Variants in CCDC38 observed in about 807,000 individuals in gnomAD.
The protein encoded by CCDC38 is coiled-coil domain-containing protein 38.
Under a neutral mutation model 72.8 loss-of-function variants are expected in CCDC38, and 69 were observed. The observed-to-expected ratio is 0.95, with a 90% CI of 0.78 to 1.16. CCDC38 has a LOEUF of 1.16. Ranked by LOEUF, CCDC38 falls within the 50% of genes most tolerant of loss-of-function variation. The probability of loss-of-function intolerance (pLI) is 0.00; values close to 1 mark genes in which losing one functional copy is unlikely to be tolerated. For missense variants in CCDC38, 626 were observed against 638.9 expected (o/e 0.98, Z 0.22); for synonymous variants, 201 against 213.2 (o/e 0.94, Z 0.50).
At chr12:95,889,943 G>A (rs966059178) in intron 9 of CCDC38, among the ~76,000 whole-genome samples, 1 of 151,838 alleles carries the variant, frequency 6.6e-6, no homozygotes, top group East Asian at 1.9e-4. Flanking sequence ...GTCTCACTCC[G>A]TTACCCGGGC....
chr12:95,870,648 G>T (rs1257937574), intron 14 of CCDC38, among the ~76,000 whole-genome samples: 2 of 152,164 alleles, frequency 1.3e-5, no homozygotes, highest in African/African-American at 4.8e-5. Flanking sequence ...AGATGGAAGT[G>T]CTGTTAGTGT....
At position 95,916,987 on chromosome 12, in the gene CCDC38, C is replaced by T. The variant is rs1376349974; in HGVS notation, c.304+142G>A. ...TTATTTAACATAGAATTTCTCCTAA[C>T]TCTCAATCCCCATGTACTAAGACTC... On this transcript the variant is annotated intron_variant, in intron 4 of 15. Coordinates refer to ENST00000344280, the MANE Select transcript of CCDC38 (RefSeq NM_182496.3). 2.0e-5 allele frequency: 10 copies of T among 491,462 alleles called. No homozygotes were observed. In the East Asian group the frequency reaches 3.1e-4, roughly 15 times the overall value. The allele number at this position is 491,462 out of a possible 1,614,324, so 30.4% of individuals were successfully genotyped here.
At chr12:95,877,334 A>G (rs1248710655) in intron 13 of CCDC38, among the ~76,000 whole-genome samples, 1 of 152,190 alleles carries the variant, frequency 6.6e-6, no homozygotes, top group East Asian at 1.9e-4. Context: ...TAAGCTCTGG[A>G]AAACTTTGTA....
intron 2 of CCDC38, among the ~76,000 whole-genome samples, chr12:95,932,938 C>T (rs2080353386): frequency 6.6e-6 from 1 of 152,062 alleles, no homozygotes; most frequent in African/African-American, 2.4e-5. Context: ...GGAACATATC[C>T]ATACATGGGG....
chr12:95,907,820 C>T (rs1178189830), intron 4 of CCDC38, among the ~76,000 whole-genome samples: 4 of 147,772 alleles, frequency 2.7e-5, no homozygotes, highest in Non-Finnish European at 4.5e-5. Flanking sequence ...AGGGCAGAGG[C>T]GCTCCCCACA....
intron 2 of CCDC38, among the ~76,000 whole-genome samples, chr12:95,930,617 A>G (rs543417949): frequency 3.5e-4 from 53 of 152,244 alleles, no homozygotes; most frequent in Non-Finnish European, 5.6e-4. Context: ...TTACTTTTGC[A>G]AAGATCCCCC....
chr12:95,937,848 G>A (rs992739489), intron 1 of CCDC38, among the ~76,000 whole-genome samples: 2 of 152,156 alleles, frequency 1.3e-5, no homozygotes, highest in African/African-American at 4.8e-5. Flanking sequence ...GGGGGACAGG[G>A]CAATTTTTAA....
At chr12:95,925,988 T>C (rs1382303815) in intron 2 of CCDC38, among the ~76,000 whole-genome samples, 2 of 129,692 alleles carry the variant, frequency 1.5e-5, no homozygotes, top group African/African-American at 5.9e-5. Flanking sequence ...TCAAGGATAT[T>C]GGTCTAAAAT....
At chr12:95,927,132 G>A (rs917656793) in intron 2 of CCDC38, among the ~76,000 whole-genome samples, 3 of 152,094 alleles carry the variant, frequency 2.0e-5, no homozygotes, top group African/African-American at 7.2e-5. Context: ...GTCTAATGTT[G>A]ACAGTGGGGT....
intron 13 of CCDC38, among the ~76,000 whole-genome samples, chr12:95,875,939 T>G (rs1353817117): frequency 6.6e-6 from 1 of 152,126 alleles, no homozygotes; most frequent in Admixed American, 6.6e-5. Context: ...AGGGGCTTGG[T>G]TGGGATGGGG....
Position 95,888,480 on chromosome 12 carries a change from T to G in CCDC38, c.898A>C (p.Thr300Pro). Residue 300 changes from threonine (T) to proline (P), a missense_variant, in exon 10 of 16, where the codon ACT becomes CCT. Thr to Pro is a conservative substitution (Grantham distance 38). Coordinates refer to ENST00000344280, the MANE Select transcript of CCDC38 (RefSeq NM_182496.3). ...QGKPSRSLTR[T>P]PEKKKSNLAE... ...TACTTTGATTTCTTTTTCTCTGGAG[T>G]GCGAGTCAGGCTTCTGCTTGGCTTT... The G allele has an allele frequency of 6.2e-7, 1 of 1,613,970 alleles. No homozygotes were observed. Among genetic ancestry groups the G allele is most frequent in the Non-Finnish European group, 8.5e-7 (1 of 1,179,996 alleles).
chr12:95,878,279 C>G lies in CCDC38; in HGVS notation c.1210G>C (p.Glu404Gln), dbSNP rs778400007. The G allele has an allele frequency of 6.2e-6, 10 of 1,613,640 alleles. No individual in the cohort carries two copies. The highest frequency in any genetic ancestry group is 4.2e-6 in the Non-Finnish European group (5 of 1,179,778). ...MLKANCVREE[E>Q]KAAELQLKSK... ...TTTAATTGCAATTCTGCTGCTTTCTCTTCTTCTCTCACACAGTTAGCTTTA... is the reference window on the plus strand; with the variant it reads ...TTTAATTGCAATTCTGCTGCTTTCTGTTCTTCTCTCACACAGTTAGCTTTA... Residue 404 changes from glutamate (E) to glutamine (Q), a missense_variant, in exon 13 of 16, where the codon GAG (glutamate) becomes CAG (glutamine). Physicochemically the swap from Glu to Gln is conservative, Grantham distance 29. Transcript: ENST00000344280.
At chr12:95,909,197 C>G (rs1264859205) in intron 4 of CCDC38, among the ~76,000 whole-genome samples, 5 of 151,982 alleles carry the variant, frequency 3.3e-5, no homozygotes, top group Non-Finnish European at 5.9e-5. Context: ...AATAAGCACA[C>G]TCAGAAATGA....
chr12:95,921,366 C>G (rs1023280237), intron 2 of CCDC38, among the ~76,000 whole-genome samples: 1 of 152,154 alleles, frequency 6.6e-6, no homozygotes, highest in Non-Finnish European at 1.5e-5. Flanking sequence ...TTCTCTGAGA[C>G]TCGGTAGTTT....
intron 7 of CCDC38, among the ~76,000 whole-genome samples, 191 bp from the exon 8 acceptor site, chr12:95,895,337 T>G (rs2079874922): frequency 6.6e-6 from 1 of 152,232 alleles, no homozygotes; most frequent in South Asian, 2.1e-4. Flanking sequence ...CTAGGAATGC[T>G]GTTTAAATAA....
intron 2 of CCDC38, among the ~76,000 whole-genome samples, chr12:95,926,714 T>A (rs1266010446): frequency 6.6e-6 from 1 of 151,706 alleles, no homozygotes. Context: ...CTGCTTTGGA[T>A]GCGTCCCAGA....
chr12:95,869,661 C>A (rs10735336), intron 14 of CCDC38, 88 bp from the exon 15 acceptor site: 718,624 of 969,756 alleles, frequency 0.74, 270,452 homozygotes, highest in African/African-American at 0.82. Context: ...AGCCATGTGA[C>A]TAGAAGACCT....
intron 14 of CCDC38, among the ~76,000 whole-genome samples, chr12:95,869,999 T>C (rs932932894): frequency 6.6e-5 from 10 of 152,088 alleles, no homozygotes; most frequent in African/African-American, 2.4e-4. Flanking sequence ...AATTTTTGTA[T>C]TTTTAGTAGA....
chr12:95,877,805 T>C (rs900793115), intron 13 of CCDC38, among the ~76,000 whole-genome samples: 5 of 152,166 alleles, frequency 3.3e-5, no homozygotes, highest in African/African-American at 9.7e-5. Flanking sequence ...AGGCTCAGTG[T>C]TGGGAAAATT....
Sources: allele counts gnomAD v4.1 joint callset (sites outside exome capture counted in the v4.1 genomes callset), GRCh38; gene constraint gnomAD v4.1.1; transcripts MANE v1.5; gene names NCBI Gene and HGNC (gene_info 2026-07-23, HGNC 2026-07-21).